TMEM235: variants seen among roughly 807,000 people sequenced by gnomAD.
TMEM235 encodes the protein transmembrane protein 235, also known as claudin-27.
TMEM235 carries 23 observed loss-of-function variants against 22.9 expected under a neutral mutation model. The observed-to-expected ratio is 1.00, with a 90% confidence interval of 0.72 to 1.42. The LOEUF (loss-of-function observed/expected upper bound fraction) is 1.42. Ranked by LOEUF, TMEM235 falls within the 40% of genes most tolerant of loss-of-function variation. The probability of loss-of-function intolerance (pLI) is 0.00; values close to 1 mark genes in which losing one functional copy is unlikely to be tolerated. For missense variants in TMEM235, 308 were observed against 299.5 expected (o/e 1.03, Z -0.21); for synonymous variants, 137 against 140.5 (o/e 0.98, Z 0.17).
intron 5 of TMEM235, 49 bp downstream of exon 4, chr17:78,239,322 A>G: frequency 6.7e-7 from 1 of 1,503,570 alleles, no homozygotes; most frequent in Non-Finnish European, 8.9e-7. Flanking sequence ...TTGGGCGGTC[A>G]GGGCCAGGGC....
chr17:78,234,095 C>T (rs1341062328), intron 3 of TMEM235, 120 bp downstream of exon 2: 3 of 914,574 alleles, frequency 3.3e-6, no homozygotes, highest in South Asian at 3.2e-5. Context: ...TCCAAGAGGA[C>T]GTTTCCACGC....
At chr17:78,239,797 C>T (rs1445499216) in exon 6 of TMEM235, 3 of 1,548,334 alleles carry the variant, frequency 1.9e-6, no homozygotes, top group Non-Finnish European at 2.6e-6. Context: ...GACTGAGGCC[C>T]AGAGCGGCAG....
intron 2 of TMEM235, 43 bp from the exon 2 acceptor site, chr17:78,233,852 C>T: frequency 2.0e-6 from 3 of 1,528,312 alleles, no homozygotes; most frequent in Non-Finnish European, 2.6e-6. Context: ...GCTGGGTGCA[C>T]CACAGCGTCC....
intron 2 of TMEM235, among the ~76,000 whole-genome samples, chr17:78,232,423 A>G (rs1434735705): frequency 1.3e-5 from 2 of 152,000 alleles, no homozygotes; most frequent in Non-Finnish European, 2.9e-5. Flanking sequence ...GGAGGGAGGG[A>G]GCCCAGTTCG....
At chr17:78,236,769 C>T (rs576181309) in intron 4 of TMEM235, among the ~76,000 whole-genome samples, 129 of 152,348 alleles carry the variant, frequency 8.5e-4, no homozygotes, top group African/African-American at 2.9e-3. Flanking sequence ...GGCACCCTCC[C>T]TGTTTCTCTG....
exon 5 of TMEM235, chr17:78,239,108 A>G: frequency 1.3e-6 from 2 of 1,544,060 alleles, no homozygotes; most frequent in Admixed American, 2.0e-5. Context: ...TATGGCCCGC[A>G]GCACATGCAG....
chr17:78,239,402 C>A, intron 5 of TMEM235, 129 bp downstream of exon 4: 3 of 1,159,104 alleles, frequency 2.6e-6, no homozygotes, highest in Non-Finnish European at 3.5e-6. Flanking sequence ...CTGGGGGTGA[C>A]AAGGGGTGGA....
intron 3 of TMEM235, chr17:78,234,296 C>T (rs756259463): frequency 1.2e-5 from 8 of 689,848 alleles, no homozygotes; most frequent in South Asian, 4.5e-5. Flanking sequence ...ATTTAGGACT[C>T]GATTCTTCCA....
At chr17:78,232,120 A>C in exon 2 of TMEM235, 2 of 1,486,152 alleles carry the variant, frequency 1.3e-6, no homozygotes, top group Non-Finnish European at 1.8e-6. Context: ...CTACTGGTAC[A>C]TCCTGGAGGT....
At chr17:78,232,802 G>T (rs1214745769) in intron 2 of TMEM235, among the ~76,000 whole-genome samples, 2 of 152,216 alleles carry the variant, frequency 1.3e-5, no homozygotes, top group Non-Finnish European at 2.9e-5. Flanking sequence ...GGCTGGCAGG[G>T]CAGGGGTGTG....
At chr17:78,232,059 C>T in exon 2 of TMEM235, 1 of 1,371,116 alleles carries the variant, frequency 7.3e-7, no homozygotes, top group Non-Finnish European at 9.4e-7. Context: ...TGGCCGCCGC[C>T]CTGGGTGCAC....
rs1050374320 is a variant in TMEM235, at chr17:78,237,622, G to A, written c.410-1402G>A. 3.3e-5 allele frequency among the ~76,000 whole-genome samples: 5 copies of A among 151,914 alleles called. No individual in the cohort carries two copies. The highest frequency in any genetic ancestry group is 2.1e-4 in the South Asian group (1 of 4,814). On this transcript the variant is annotated intron_variant, in intron 4 of 5. Coordinates refer to ENST00000421688, the Ensembl canonical transcript of TMEM235. The surrounding 1 kb of genome is among the most constrained non-coding windows in gnomAD (Gnocchi z 4.7). The stretch of plus-strand genomic sequence containing the variant: ...CTGCCAGGAAGTGGGGCCTTGGGCT[G>A]CAGCTGCAGCCAGTGCTACAGGCAG...
Position 78,237,738 on chromosome 17 carries a change from A to C in TMEM235, c.410-1286A>C, listed in dbSNP as rs1240737485. 6.6e-6 allele frequency among the ~76,000 whole-genome samples: 1 copy of C among 152,056 alleles called. No homozygotes were observed. The highest frequency in any genetic ancestry group is 1.5e-5 in the Non-Finnish European group (1 of 67,980). On this transcript the variant is annotated intron_variant, in intron 4 of 5. Transcript: ENST00000421688. This position sits in a 1 kb window ranked among gnomAD's most constrained non-coding sequence, Gnocchi z 4.7. ...CCCTGCTTCTCCCAGGGACCGCTTC[A>C]TTCAATTTGGCTTCACATTCTTCCC... is the stretch of plus-strand genomic sequence containing the variant.
exon 2 of TMEM235, chr17:78,232,084 C>T (rs1233705331): frequency 6.8e-7 from 1 of 1,466,822 alleles, no homozygotes; most frequent in Non-Finnish European, 9.0e-7. Flanking sequence ...CAGCTTCGCG[C>T]TCCTGGCCGC....
At chr17:78,233,476 G>A (rs1302852229) in intron 2 of TMEM235, among the ~76,000 whole-genome samples, 1 of 152,210 alleles carries the variant, frequency 6.6e-6, no homozygotes, top group Non-Finnish European at 1.5e-5. Flanking sequence ...GGGAGGCCGA[G>A]GCGGGTGGAT....
At chr17:78,239,401 A>G in intron 5 of TMEM235, 128 bp downstream of exon 4, 1 of 1,178,218 alleles carries the variant, frequency 8.5e-7, no homozygotes, top group South Asian at 1.6e-5. Flanking sequence ...GCTGGGGGTG[A>G]CAAGGGGTGG....
exon 6 of TMEM235, chr17:78,239,874 G>A (rs367858964): frequency 5.2e-6 from 8 of 1,551,394 alleles, no homozygotes; most frequent in Non-Finnish European, 7.0e-6. Flanking sequence ...CCTGGCCTCT[G>A]TTCTGTCCAC....
At chr17:78,231,632 A>G (rs1458287729) in exon 2 of TMEM235, 1 of 1,300,956 alleles carries the variant, frequency 7.7e-7, no homozygotes, top group South Asian at 1.2e-5. Flanking sequence ...CCTCCTCTCA[A>G]GCCCTGCACA....
exon 6 of TMEM235, chr17:78,240,173 A>T: frequency 2.4e-6 from 2 of 846,640 alleles, no homozygotes; most frequent in Non-Finnish European, 3.2e-6. Context: ...TGGTGGGCAC[A>T]CTGAGCTGGC....
Sources: gnomAD v4.1 joint callset for allele counts (sites outside exome capture counted in the v4.1 genomes callset) on GRCh38, gnomAD v4.1.1 for gene constraint, Gnocchi (gnomAD v3.1) non-coding constraint, MANE v1.5 for transcripts, NCBI Gene and HGNC (gene_info 2026-07-23, HGNC 2026-07-21) for gene names.